Variants in RGS17 observed in about 807,000 individuals in gnomAD.
The protein encoded by RGS17 is regulator of G-protein signaling 17.
RGS17 carries 12 observed loss-of-function variants against 25.5 expected under a neutral mutation model. The ratio of observed to expected loss-of-function variants is 0.47; its 90% confidence interval spans 0.30 to 0.76. The LOEUF (loss-of-function observed/expected upper bound fraction) is 0.76. RGS17 is among the 30% of genes least tolerant of loss of function. The probability of loss-of-function intolerance (pLI) is 0.07; values close to 1 mark genes in which losing one functional copy is unlikely to be tolerated. For synonymous variants in RGS17, 71 were observed against 76.9 expected (o/e 0.92, Z 0.40); for missense variants, 196 against 242.2 (o/e 0.81, Z 1.27).
rs1779072517 is a variant in RGS17 at position 153,006,202 on chromosome 6, A to G, written c.*5372T>C. 6.6e-6 allele frequency: 1 copy of G among 152,140 alleles called. No homozygotes were observed. Among genetic ancestry groups the G allele is most frequent in the Non-Finnish European group, 1.5e-5 (1 of 68,030 alleles). The allele number at this position is 152,140 out of a possible 1,614,324, so 9.4% of individuals were successfully genotyped here. ...TTTTCATTGTAAAATTGTTAAAGAA[A>G]ATCATACCACCTTAATATTAAAAAG... On this transcript the variant is annotated 3_prime_UTR_variant, in exon 5 of 5. Coordinates refer to ENST00000206262, the MANE Select transcript of RGS17 (RefSeq NM_012419.5).
chr6:153,096,390 T>G (rs1777212775), intron 1 of RGS17, among the ~76,000 whole-genome samples: 1 of 152,234 alleles, frequency 6.6e-6, no homozygotes, highest in Middle Eastern at 3.2e-3. Flanking sequence ...CTGAGGGTTT[T>G]GCAATGCATG....
chr6:153,111,090 A>G (rs1332357818), intron 1 of RGS17, among the ~76,000 whole-genome samples: 1 of 151,988 alleles, frequency 6.6e-6, no homozygotes, highest in Non-Finnish European at 1.5e-5. Flanking sequence ...CCAGTGAGAC[A>G]GAACTGTTCA....
At chr6:153,029,805 G>C (rs1432301138) in intron 2 of RGS17, among the ~76,000 whole-genome samples, 1 of 152,010 alleles carries the variant, frequency 6.6e-6, no homozygotes, top group African/African-American at 2.4e-5. Context: ...TGGTCAGGCT[G>C]GTCTTGAACT....
chr6:153,005,205 A>G lies in RGS17; in HGVS notation c.*6369T>C, dbSNP rs1210774965. ...CTCTTATGACAATTAGTAAGATAAGATCTTTAATATCCAAAGTATGTGGAG... is the reference window on the plus strand; with the variant it reads ...CTCTTATGACAATTAGTAAGATAAGGTCTTTAATATCCAAAGTATGTGGAG... On this transcript the variant is annotated 3_prime_UTR_variant, in exon 5 of 5. Coordinates refer to ENST00000206262, the MANE Select transcript of RGS17 (RefSeq NM_012419.5). 1.3e-5 allele frequency: 2 copies of G among 152,222 alleles called. No individual in the cohort carries two copies. Among genetic ancestry groups the G allele is most frequent in the Admixed American group, 1.3e-4 (2 of 15,288 alleles). 9.4% of individuals were successfully genotyped at this position (152,222 alleles called of 1,614,324 possible). A position where few individuals can be genotyped will look rare whatever the true frequency, so the allele number is the denominator to read the frequency against.
chr6:153,021,493 C>G (rs192501200), intron 4 of RGS17, among the ~76,000 whole-genome samples: 10 of 152,266 alleles, frequency 6.6e-5, no homozygotes, highest in African/African-American at 2.2e-4. Flanking sequence ...GAACAGGATA[C>G]CTTGGTTTAA....
chr6:153,015,842 A>G (rs1428081298), intron 4 of RGS17, among the ~76,000 whole-genome samples: 1 of 151,854 alleles, frequency 6.6e-6, no homozygotes. Context: ...TTTAGTAGAG[A>G]CGGGGTTTCT....
intron 4 of RGS17, among the ~76,000 whole-genome samples, chr6:153,021,524 A>G (rs992028880): frequency 2.6e-5 from 4 of 152,228 alleles, no homozygotes; most frequent in African/African-American, 9.6e-5. Flanking sequence ...TTTAACAATT[A>G]TCTTTTATAA....
chr6:153,130,727 T>C lies in RGS17; in HGVS notation c.-26+397A>G, dbSNP rs558322576. Among the ~76,000 whole-genome samples, 1 of 151,816 alleles carries C rather than the reference T, an allele frequency of 6.6e-6. No homozygotes were observed. Among genetic ancestry groups the C allele is most frequent in the South Asian group, 2.1e-4 (1 of 4,792 alleles). On this transcript the variant is annotated intron_variant, in intron 1 of 4. Coordinates refer to ENST00000206262, the MANE Select transcript of RGS17 (RefSeq NM_012419.5). The surrounding 1 kb of genome is among the most constrained non-coding windows in gnomAD (Gnocchi z 6.4). ...CGCAACACCTCGCGTCCCCGCGGGG[T>C]CTCCCGCGCCCCTGGCCCGGCCCTC...
At position 153,125,594 on chromosome 6, in the gene RGS17, G is replaced by A. The variant is rs539430439; in HGVS notation, c.-26+5530C>T. ...TAAAATTTTACACTTTCAGCTGGGC[G>A]CAGTGGCTCACGCCTGTAATCCAGC... On this transcript the variant is annotated intron_variant, in intron 1 of 4. Coordinates refer to ENST00000206262, the MANE Select transcript of RGS17 (RefSeq NM_012419.5). 5.3e-5 allele frequency among the ~76,000 whole-genome samples: 8 copies of A among 152,270 alleles called. No individual in the cohort carries two copies. In the East Asian group the frequency reaches 5.8e-4, roughly 11 times the overall value.
intron 1 of RGS17, among the ~76,000 whole-genome samples, chr6:153,065,787 TAA>T (rs1562324706): frequency 6.6e-6 from 1 of 152,052 alleles, no homozygotes; most frequent in Non-Finnish European, 1.5e-5. Flanking sequence ...AAAGCAGTAC[TAA>T]GAGTGAACTT....
chr6:153,105,598 A>T (rs543395804), intron 1 of RGS17, among the ~76,000 whole-genome samples: 1 of 151,994 alleles, frequency 6.6e-6, no homozygotes, highest in Non-Finnish European at 1.5e-5. Context: ...AGTTTAATTT[A>T]AAAAAATGCT....
chr6:153,040,995 TAAAAAAA>T (rs71017569), intron 2 of RGS17, among the ~76,000 whole-genome samples: 1 of 122,162 alleles, frequency 8.2e-6, no homozygotes, highest in African/African-American at 3.0e-5. Flanking sequence ...CTGACTCCAC[TAAAAAAA>T]AAAAAAAAAA....
Position 153,008,178 on chromosome 6 carries a change from C to G in RGS17, c.*3396G>C, listed in dbSNP as rs925656461. 2.2e-4 allele frequency: 33 copies of G among 152,162 alleles called. No individual in the cohort carries two copies. Among genetic ancestry groups the G allele is most frequent in the African/African-American group, 7.0e-4 (29 of 41,508 alleles). 9.4% of individuals were successfully genotyped at this position (152,162 alleles called of 1,614,324 possible). On this transcript the variant is annotated 3_prime_UTR_variant, in exon 5 of 5. Transcript: ENST00000206262. ...AATATTATTCACTTATCCCTATAGTCCTTTGGCAAAACTGAACTATCAGGT... is the reference window on the plus strand; with the variant it reads ...AATATTATTCACTTATCCCTATAGTGCTTTGGCAAAACTGAACTATCAGGT...
At chr6:153,037,899 T>TA (rs1029876486) in intron 2 of RGS17, among the ~76,000 whole-genome samples, 2 of 152,130 alleles carry the variant, frequency 1.3e-5, no homozygotes, top group South Asian at 2.1e-4. Flanking sequence ...ATCACTCGTA[T>TA]AAAAAATGGT....
chr6:153,046,475 G>A (rs1776385430), intron 1 of RGS17, among the ~76,000 whole-genome samples: 1 of 150,992 alleles, frequency 6.6e-6, no homozygotes, highest in Admixed American at 6.6e-5. Context: ...TGTACCCCAT[G>A]AATATGTACA....
intron 1 of RGS17, among the ~76,000 whole-genome samples, chr6:153,081,034 TG>T (rs1210031045): frequency 6.6e-6 from 1 of 152,142 alleles, no homozygotes; most frequent in Admixed American, 6.5e-5. Flanking sequence ...CAGCATCTAT[TG>T]TGATATATAT....
intron 1 of RGS17, among the ~76,000 whole-genome samples, chr6:153,077,529 C>A (rs1237716160): frequency 6.6e-6 from 1 of 151,990 alleles, no homozygotes; most frequent in Non-Finnish European, 1.5e-5. Flanking sequence ...CATCTGTGGC[C>A]TTTTAAATGG....
intron 1 of RGS17, among the ~76,000 whole-genome samples, chr6:153,129,302 G>A (rs1777749490): frequency 6.6e-6 from 1 of 152,174 alleles, no homozygotes; most frequent in Admixed American, 6.5e-5. Context: ...CTTAACAACA[G>A]TAACAACTGG....
At chr6:153,039,055 CA>C (rs1253676632) in intron 2 of RGS17, among the ~76,000 whole-genome samples, 2 of 152,154 alleles carry the variant, frequency 1.3e-5, no homozygotes, top group Non-Finnish European at 2.9e-5. Flanking sequence ...TGCAGTGGGC[CA>C]AATCTCGTGG....
Sources: allele counts gnomAD v4.1 joint callset (sites outside exome capture counted in the v4.1 genomes callset), GRCh38; gene constraint gnomAD v4.1.1; non-coding constraint Gnocchi (gnomAD v3.1); transcripts MANE v1.5; gene names NCBI Gene and HGNC (gene_info 2026-07-23, HGNC 2026-07-21).